Variants in TOPAZ1 observed in about 807,000 individuals in gnomAD.
TOPAZ1 encodes testis and ovary specific TOPAZ 1.
Under a neutral mutation model 172.2 loss-of-function variants are expected in TOPAZ1, and 66 were observed. The observed-to-expected ratio is 0.38, with a 90% CI of 0.31 to 0.47. The LOEUF (loss-of-function observed/expected upper bound fraction) is 0.47, where lower values mean the gene tolerates loss of function less well. Among genes scored for constraint, TOPAZ1 ranks in the 20% least tolerant of loss-of-function variants. The pLI is 0.99. For synonymous variants in TOPAZ1, 681 were observed against 683.9 expected (o/e 1.00, Z 0.07); for missense variants, 1,822 against 1,972.4 (o/e 0.92, Z 1.44).
chr3:44,276,734 A>G (rs1284922667), intron 8 of TOPAZ1, among the ~76,000 whole-genome samples: 1 of 143,720 alleles, frequency 7.0e-6, no homozygotes, highest in Non-Finnish European at 1.5e-5. Flanking sequence ...GTGAAAAATG[A>G]CATTGGTATT....
At chr3:44,274,875 G>A (rs1467308052) in intron 8 of TOPAZ1, among the ~76,000 whole-genome samples, 1 of 150,746 alleles carries the variant, frequency 6.6e-6, no homozygotes, top group Non-Finnish European at 1.5e-5. Flanking sequence ...AGTGAGAGAT[G>A]ACAGTTCTTA....
In TOPAZ1 at chr3:44,290,760, C is replaced by T. The variant is rs11714950; in HGVS notation, c.3682-11C>T. On this transcript the variant is annotated splice_polypyrimidine_tract_variant and intron_variant, in intron 11 of 19. Coordinates refer to ENST00000309765, the MANE Select transcript of TOPAZ1 (RefSeq NM_001145030.2). ...TGTAAGAATAACCACTCTTTCTTTT[C>T]TCTTCTACAGCTTGTTGAAGCCGGG... is the stretch of plus-strand genomic sequence containing the variant. 1 of 1,517,144 alleles carries T rather than the reference C, an allele frequency of 6.6e-7. No homozygotes were observed. The highest frequency in any genetic ancestry group is 2.1e-5 in the Admixed American group (1 of 47,378). 94.0% of individuals were successfully genotyped at this position (1,517,144 alleles called of 1,614,324 possible). A position where few individuals can be genotyped will look rare whatever the true frequency, so the allele number is the denominator to read the frequency against.
At chr3:44,282,132 T>G in intron 9 of TOPAZ1, 101 bp downstream of exon 9, 1 of 755,768 alleles carries the variant, frequency 1.3e-6, no homozygotes, top group Non-Finnish European at 2.1e-6. Flanking sequence ...ACTGAATGCC[T>G]TACCCAAGAG....
chr3:44,281,152 G>A (rs1700019169), intron 8 of TOPAZ1, among the ~76,000 whole-genome samples: 1 of 152,188 alleles, frequency 6.6e-6, no homozygotes, highest in African/African-American at 2.4e-5. Flanking sequence ...CCACTAGTAG[G>A]TTTTAACCCT....
chr3:44,306,399 C>G lies in TOPAZ1; in HGVS notation c.4113C>G (p.Phe1371Leu). 1.3e-6 allele frequency: 2 copies of G among 1,544,050 alleles called. No individual in the cohort carries two copies. The highest frequency in any genetic ancestry group is 1.2e-5 in the South Asian group (1 of 83,030). The change falls in exon 15 of 20, where the codon TTC becomes TTG. Residue 1371 changes from phenylalanine (F) to leucine (L), a missense_variant. Transcript: ENST00000309765. ...GAATTGGAATCAGTGCTATGTACTTCTATCACAAGCTGTTGCAGTGGTCCA... is the reference window on the plus strand; with the variant it reads ...GAATTGGAATCAGTGCTATGTACTTGTATCACAAGCTGTTGCAGTGGTCCA... Reference protein sequence around the residue: ...LGRIGISAMYFYHKLLQWSKG... With the variant: ...LGRIGISAMYLYHKLLQWSKG...
intron 8 of TOPAZ1, among the ~76,000 whole-genome samples, chr3:44,281,278 C>T (rs1185169634): frequency 6.6e-6 from 1 of 152,250 alleles, no homozygotes; most frequent in African/African-American, 2.4e-5. Flanking sequence ...GCCATCACTT[C>T]TCCACTGAAG....
chr3:44,278,821 T>G (rs1231422313), intron 8 of TOPAZ1, among the ~76,000 whole-genome samples: 1 of 151,474 alleles, frequency 6.6e-6, no homozygotes, highest in Non-Finnish European at 1.5e-5. Context: ...TTTTTTTTTT[T>G]GTCTCTATTT....
At chr3:44,259,602 A>C (rs1699753331) in intron 4 of TOPAZ1, among the ~76,000 whole-genome samples, 1 of 152,174 alleles carries the variant, frequency 6.6e-6, no homozygotes, top group Non-Finnish European at 1.5e-5. Flanking sequence ...CTTGAGCATA[A>C]GGCATTTTGC....
intron 14 of TOPAZ1, 37 bp downstream of exon 14, chr3:44,305,358 G>A (rs746227640): frequency 8.4e-5 from 123 of 1,465,392 alleles, no homozygotes; most frequent in Non-Finnish European, 1.0e-4. Context: ...TTGTGTATGA[G>A]GATGGTGCAG....
Position 44,304,162 on chromosome 3 carries a change from A to G in TOPAZ1, c.3864+81A>G, listed in dbSNP as rs997525523. On this transcript the variant is annotated intron_variant, in intron 13 of 19. Coordinates refer to ENST00000309765, the MANE Select transcript of TOPAZ1 (RefSeq NM_001145030.2). ...CAAAAAAGGTTTGAATAATAACCCC[A>G]TTTTATGAAAAGTTTTAGAAATGTG... 10 of 771,468 alleles carry G rather than the reference A, an allele frequency of 1.3e-5. No homozygotes were observed. The Admixed American group carries it at 2.8e-4, about 21-fold the overall frequency. 47.8% of individuals were successfully genotyped at this position (771,468 alleles called of 1,614,324 possible).
At chr3:44,268,563 G>A (rs1418446194) in intron 6 of TOPAZ1, among the ~76,000 whole-genome samples, 6 of 151,620 alleles carry the variant, frequency 4.0e-5, no homozygotes, top group African/African-American at 1.5e-4. Context: ...TAGTAGAGAC[G>A]AGGTTTCACC....
chr3:44,254,936 A>G (rs2125679765), intron 2 of TOPAZ1, 32 bp from the exon 3 acceptor site: 1 of 1,488,582 alleles, frequency 6.7e-7, no homozygotes, highest in Non-Finnish European at 9.2e-7. Context: ...AGAATCTATT[A>G]TAATGTTTAA....
rs896921987 is a variant in TOPAZ1, at chr3:44,288,286, G to A, written c.3681+447G>A. On this transcript the variant is annotated intron_variant, in intron 11 of 19. Transcript: ENST00000309765. ...GAAAACTGCCAGTTTTCTTTCAGAAGCAACATTGGAAGAACTCAAGCAGAA... is the reference window on the plus strand; with the variant it reads ...GAAAACTGCCAGTTTTCTTTCAGAAACAACATTGGAAGAACTCAAGCAGAA... Among the ~76,000 whole-genome samples the A allele has an allele frequency of 2.0e-5, 3 of 152,102 alleles. No homozygotes were observed. The South Asian group carries it at 6.2e-4, about 32-fold the overall frequency.
At chr3:44,255,666 T>TAC (rs1699691659) in intron 3 of TOPAZ1, among the ~76,000 whole-genome samples, 1 of 33,176 alleles carries the variant, frequency 3.0e-5, no homozygotes, top group Non-Finnish European at 5.9e-5. Flanking sequence ...AAAAAAAATA[T>TAC]ATATACACAC....
chr3:44,325,830 A>T (rs1024918794), intron 18 of TOPAZ1, among the ~76,000 whole-genome samples: 6 of 152,038 alleles, frequency 3.9e-5, no homozygotes, highest in Admixed American at 3.9e-4. Context: ...TTTAGTAGAG[A>T]TGGGGTTTCA....
intron 4 of TOPAZ1, among the ~76,000 whole-genome samples, chr3:44,260,131 G>A (rs931370509): frequency 1.3e-5 from 2 of 152,154 alleles, no homozygotes; most frequent in African/African-American, 4.8e-5. Flanking sequence ...CCTTGTGTAA[G>A]TTTCCTGAGG....
intron 18 of TOPAZ1, 76 bp downstream of exon 18, chr3:44,323,371 A>C: frequency 4.5e-6 from 4 of 887,568 alleles, no homozygotes; most frequent in Non-Finnish European, 6.6e-6. Flanking sequence ...AATATATAAG[A>C]TTAGATATTT....
At chr3:44,275,720 G>T (rs1210439341) in intron 8 of TOPAZ1, among the ~76,000 whole-genome samples, 1 of 151,898 alleles carries the variant, frequency 6.6e-6, no homozygotes, top group Non-Finnish European at 1.5e-5. Flanking sequence ...ATACCCAGTA[G>T]TGGGATTGCT....
intron 18 of TOPAZ1, among the ~76,000 whole-genome samples, chr3:44,325,813 T>A (rs955130341): frequency 3.3e-5 from 5 of 152,124 alleles, no homozygotes; most frequent in Admixed American, 3.3e-4. Context: ...GCAGCTAATT[T>A]TGTATTTTTA....
Sources: gnomAD v4.1 joint callset for allele counts (sites outside exome capture counted in the v4.1 genomes callset) on GRCh38, gnomAD v4.1.1 for gene constraint, MANE v1.5 for transcripts, NCBI Gene and HGNC (gene_info 2026-07-23, HGNC 2026-07-21) for gene names.